KCNAB1: variants seen among roughly 807,000 people sequenced by gnomAD.
KCNAB1 encodes the protein potassium voltage-gated channel subfamily A regulatory beta subunit 1.
In KCNAB1, 35 loss-of-function variants were observed where a neutral mutation model predicts 64.6. That is an observed-to-expected ratio of 0.54 (90% CI 0.41 to 0.72). The LOEUF is 0.72. KCNAB1 is among the 30% of genes least tolerant of loss of function. The pLI is 0.00. For synonymous variants in KCNAB1, 177 were observed against 183.8 expected (o/e 0.96, Z 0.30); for missense variants, 401 against 512.9 (o/e 0.78, Z 2.11).
At chr3:156,218,810 T>TAAAAAA (rs1491492113) in intron 1 of KCNAB1, among the ~76,000 whole-genome samples, 1 of 125,790 alleles carries the variant, frequency 7.9e-6, no homozygotes, top group African/African-American at 3.1e-5. Flanking sequence ...AAAATAATAA[T>TAAAAAA]AAAATAAAAT....
chr3:156,187,091 C>A (rs1183478857), intron 1 of KCNAB1, among the ~76,000 whole-genome samples: 1 of 152,118 alleles, frequency 6.6e-6, no homozygotes, highest in Admixed American at 6.5e-5. Flanking sequence ...TGGGCTCAAG[C>A]CATCCTCCTG....
intron 1 of KCNAB1, among the ~76,000 whole-genome samples, chr3:156,139,289 C>A (rs1714553766): frequency 6.6e-6 from 1 of 152,234 alleles, no homozygotes; most frequent in African/African-American, 2.4e-5. Context: ...CAAATATTGG[C>A]TTTCTCATTT....
At chr3:156,503,887 T>C (rs1265827265) in intron 8 of KCNAB1, among the ~76,000 whole-genome samples, 2 of 152,210 alleles carry the variant, frequency 1.3e-5, no homozygotes, top group East Asian at 1.9e-4. Context: ...ACCTCAAACA[T>C]TTATCATTTC....
intron 1 of KCNAB1, among the ~76,000 whole-genome samples, chr3:156,351,079 A>G (rs1260857787): frequency 6.6e-6 from 1 of 152,280 alleles, no homozygotes. Flanking sequence ...ATCATCCAGT[A>G]TGGAAAGGAA....
At chr3:156,322,321 A>T (rs1340685311) in intron 1 of KCNAB1, among the ~76,000 whole-genome samples, 1 of 152,198 alleles carries the variant, frequency 6.6e-6, no homozygotes, top group Non-Finnish European at 1.5e-5. Flanking sequence ...CAAAATATGT[A>T]CAGTCAGCCC....
At chr3:156,354,783 G>C (rs1725123733) in intron 1 of KCNAB1, among the ~76,000 whole-genome samples, 1 of 151,750 alleles carries the variant, frequency 6.6e-6, no homozygotes, top group Non-Finnish European at 1.5e-5. Flanking sequence ...ACAGGTAGGG[G>C]ATATTCAACT....
chr3:156,529,491 TA>T (rs11445692), intron 12 of KCNAB1, among the ~76,000 whole-genome samples: 147 of 145,876 alleles, frequency 1.0e-3, no homozygotes, highest in Non-Finnish European at 1.1e-3. Context: ...TAAAGTTGGT[TA>T]AAAAAAAAAA....
At chr3:156,418,141 GAAAC>G (rs1304271427) in intron 1 of KCNAB1, among the ~76,000 whole-genome samples, 1 of 152,218 alleles carries the variant, frequency 6.6e-6, no homozygotes, top group Non-Finnish European at 1.5e-5. Flanking sequence ...CCTGTGCAGT[GAAAC>G]AATTTTGAAT....
chr3:156,188,305 C>G (rs549236590), intron 1 of KCNAB1, among the ~76,000 whole-genome samples: 2 of 151,912 alleles, frequency 1.3e-5, no homozygotes, highest in Admixed American at 6.5e-5. Flanking sequence ...ATTCATTCCC[C>G]CAGAAATTAA....
intron 10 of KCNAB1, among the ~76,000 whole-genome samples, chr3:156,515,974 A>T (rs898129876): frequency 6.6e-6 from 1 of 151,616 alleles, no homozygotes. Flanking sequence ...GCACTATGTT[A>T]GGTACTAAAT....
At chr3:156,381,743 C>T (rs1712172076) in intron 1 of KCNAB1, among the ~76,000 whole-genome samples, 1 of 152,218 alleles carries the variant, frequency 6.6e-6, no homozygotes, top group Admixed American at 6.5e-5. Context: ...TAACACACTA[C>T]TACTACCTAG....
In KCNAB1 at chr3:156,254,004, A is replaced by G. The variant is rs575072035; in HGVS notation, c.275+133118A>G. On this transcript the variant is annotated intron_variant, in intron 1 of 13. Transcript: ENST00000490337. ...TTCTTAAAAGAGACAGAAGACAGGT[A>G]TGTTCCTCTTTTCCCTTGCTTCTGG... Among the ~76,000 whole-genome samples the G allele has an allele frequency of 1.3e-3, 199 of 152,238 alleles. 1 individual carries two copies. Among genetic ancestry groups the G allele is most frequent in the Non-Finnish European group, 2.2e-3 (147 of 68,032 alleles).
rs147202221 is a variant in KCNAB1, at chr3:156,171,187, G to GCACACACACACACA, written c.275+50307_275+50308insCACACACACACACA. On this transcript the variant is annotated intron_variant, in intron 1 of 13. Transcript: ENST00000490337. ...ACCGGCTTATAGTTAGAAACTTCAC[G>GCACACACACACACA]CACACATACACACACACACACACAC... 9.0e-3 allele frequency among the ~76,000 whole-genome samples: 1,287 copies of GCACACACACACACA among 142,772 alleles called. 17 individuals are homozygous for GCACACACACACACA. The highest frequency in any genetic ancestry group is 0.024 in the Middle Eastern group (7 of 290). The allele number at this position is 142,772 out of a possible 152,430, so 93.7% of individuals were successfully genotyped here. A position where few individuals can be genotyped will look rare whatever the true frequency, so the allele number is the denominator to read the frequency against.
chr3:156,126,921 C>T (rs761898550), intron 1 of KCNAB1, among the ~76,000 whole-genome samples: 11 of 152,208 alleles, frequency 7.2e-5, no homozygotes, highest in Non-Finnish European at 1.3e-4. Context: ...ATTCCTGACG[C>T]ATGATCTATG....
chr3:156,520,970 C>G (rs1006408376), intron 11 of KCNAB1, among the ~76,000 whole-genome samples: 11 of 152,194 alleles, frequency 7.2e-5, no homozygotes, highest in African/African-American at 2.7e-4. Flanking sequence ...GGGCAAGTCT[C>G]ACAGACTATT....
chr3:156,446,531 G>A (rs10428085), intron 2 of KCNAB1, among the ~76,000 whole-genome samples: 33,955 of 152,056 alleles, frequency 0.22, 7,268 homozygotes, highest in African/African-American at 0.56. Flanking sequence ...ACTATATTAA[G>A]CTGCAGTTCA....
intron 1 of KCNAB1, among the ~76,000 whole-genome samples, chr3:156,134,790 A>G (rs770412971): frequency 1.3e-5 from 2 of 152,234 alleles, no homozygotes; most frequent in Non-Finnish European, 2.9e-5. Context: ...ACATTCTAGC[A>G]CAAATAGAGT....
chr3:156,439,679 G>GA (rs1196804888), intron 2 of KCNAB1, among the ~76,000 whole-genome samples: 1 of 152,150 alleles, frequency 6.6e-6, no homozygotes. Flanking sequence ...ACAAAATAAT[G>GA]AAAAATGGAG....
rs543048474 is a variant in KCNAB1 at position 156,450,871 on chromosome 3, C to A, written c.320-2028C>A. Among the ~76,000 whole-genome samples, 41 of 150,216 alleles carry A rather than the reference C, an allele frequency of 2.7e-4. 2 individuals are homozygous for A. The highest frequency in any genetic ancestry group is 2.1e-3 in the South Asian group (10 of 4,696). On this transcript the variant is annotated intron_variant, in intron 2 of 13. Coordinates refer to ENST00000490337, the MANE Select transcript of KCNAB1 (RefSeq NM_172160.3). ...ACACTTCCCATCCACCCACCCCCCC[C>A]CAAAAAAAAGTTATGCTCCTATTTT...
Sources: gnomAD v4.1 joint callset for allele counts (sites outside exome capture counted in the v4.1 genomes callset) on GRCh38, gnomAD v4.1.1 for gene constraint, MANE v1.5 for transcripts, NCBI Gene and HGNC (gene_info 2026-07-23, HGNC 2026-07-21) for gene names.